The following BRINP1 variants were observed in gnomAD, a reference collection of about 807,000 sequenced individuals.
BRINP1 encodes the protein BMP/retinoic acid inducible neural specific 1.
In BRINP1, 17 loss-of-function variants were observed where a neutral mutation model predicts 72.9. The observed-to-expected ratio is 0.23, with a 90% CI of 0.16 to 0.35. The LOEUF (loss-of-function observed/expected upper bound fraction) is 0.35, where lower values mean the gene tolerates loss of function less well. BRINP1 is among the 10% of genes least tolerant of loss of function. The probability of loss-of-function intolerance (pLI) is 1.00; values close to 1 mark genes in which losing one functional copy is unlikely to be tolerated. For missense variants in BRINP1, 850 were observed against 1,001.6 expected (o/e 0.85, Z 2.04); for synonymous variants, 418 against 378.5 (o/e 1.10, Z -1.21).
intron 2 of BRINP1, among the ~76,000 whole-genome samples, chr9:119,249,805 T>TGGAA (rs1348208106): frequency 0.052 from 1,634 of 31,532 alleles, 210 homozygotes; most frequent in Admixed American, 0.064. Context: ...AATAAACAAA[T>TGGAA]GGAAGGAAGG....
intron 1 of BRINP1, among the ~76,000 whole-genome samples, chr9:119,326,465 G>T (rs564616773): frequency 8.5e-5 from 13 of 152,138 alleles, no homozygotes; most frequent in Non-Finnish European, 1.9e-4. Flanking sequence ...AATTATTTTT[G>T]TAATTTTTTT....
intron 1 of BRINP1, among the ~76,000 whole-genome samples, chr9:119,344,434 G>A (rs945861500): frequency 6.6e-6 from 1 of 152,098 alleles, no homozygotes; most frequent in Non-Finnish European, 1.5e-5. Flanking sequence ...AGGTCATACT[G>A]TCTTGCTCAC....
chr9:119,279,985 T>C (rs528295461), intron 2 of BRINP1, among the ~76,000 whole-genome samples: 2 of 152,026 alleles, frequency 1.3e-5, no homozygotes, highest in South Asian at 2.1e-4. Context: ...AGAAGAAAAA[T>C]GCTATATGTA....
chr9:119,283,188 G>C, intron 2 of BRINP1: 2 of 984,562 alleles, frequency 2.0e-6, no homozygotes, highest in Non-Finnish European at 2.4e-6. Context: ...TGTTTCTTTA[G>C]AATGAAGGGG....
chr9:119,355,578 A>T (rs944811430), intron 1 of BRINP1, among the ~76,000 whole-genome samples: 1 of 151,924 alleles, frequency 6.6e-6, no homozygotes, highest in African/African-American at 2.4e-5. Flanking sequence ...AACACAAAAA[A>T]ATTAGCCGGG....
At chr9:119,176,268 T>C (rs934075363) in intron 7 of BRINP1, among the ~76,000 whole-genome samples, 11 of 152,160 alleles carry the variant, frequency 7.2e-5, no homozygotes, top group African/African-American at 2.2e-4. Context: ...TTCCTAAGGC[T>C]GTCGTGCTGT....
chr9:119,210,479 G>T (rs956406472), intron 6 of BRINP1, among the ~76,000 whole-genome samples: 1 of 152,046 alleles, frequency 6.6e-6, no homozygotes, highest in Non-Finnish European at 1.5e-5. Flanking sequence ...AGGTATTTTA[G>T]AGCCCCCATT....
intron 7 of BRINP1, among the ~76,000 whole-genome samples, chr9:119,195,474 C>T (rs1829728356): frequency 2.0e-5 from 3 of 152,208 alleles, no homozygotes; most frequent in Admixed American, 2.0e-4. Context: ...CTCACTCTAA[C>T]TCATCCACTG....
At chr9:119,212,698 C>T (rs1354930180) in intron 6 of BRINP1, among the ~76,000 whole-genome samples, 1 of 151,998 alleles carries the variant, frequency 6.6e-6, no homozygotes. Context: ...TGCATGAGTC[C>T]ATTTATTTAA....
At chr9:119,325,311 T>C in intron 1 of BRINP1, among the ~76,000 whole-genome samples, 1 of 152,160 alleles carries the variant, frequency 6.6e-6, no homozygotes, top group East Asian at 1.9e-4. Flanking sequence ...CCTCTCAAAC[T>C]TTCCTGTCTC....
Position 119,294,853 on chromosome 9 carries a change from T to TAAAAA in BRINP1, c.218+18280_218+18284dup, listed in dbSNP as rs59715609. Among the ~76,000 whole-genome samples, 15 of 128,024 alleles carry TAAAAA rather than the reference T, an allele frequency of 1.2e-4. 1 individual carries two copies. The highest frequency in any genetic ancestry group is 4.3e-3 in the Middle Eastern group (1 of 230). The allele number at this position is 128,024 out of a possible 152,430, so 84.0% of individuals were successfully genotyped here. A position where few individuals can be genotyped will look rare whatever the true frequency, so the allele number is the denominator to read the frequency against. ...CCTGAGCAACAGAGTGACACTACGT[T>TAAAAA]AAAAAAAAAAAAAAAAAAGACACAC... On this transcript the variant is annotated intron_variant, in intron 2 of 7. Coordinates refer to ENST00000265922, the MANE Select transcript of BRINP1 (RefSeq NM_014618.3).
At chr9:119,318,239 T>C (rs148670661) in intron 1 of BRINP1, among the ~76,000 whole-genome samples, 143 of 152,298 alleles carry the variant, frequency 9.4e-4, no homozygotes, top group African/African-American at 3.3e-3. Flanking sequence ...CACAAACAAT[T>C]TGTCAACTGT....
chr9:119,226,668 G>C (rs1012199269), intron 5 of BRINP1, among the ~76,000 whole-genome samples: 1 of 151,406 alleles, frequency 6.6e-6, no homozygotes, highest in African/African-American at 2.4e-5. Flanking sequence ...CTATTCTAGG[G>C]TTTTTTTTTG....
intron 1 of BRINP1, among the ~76,000 whole-genome samples, chr9:119,325,086 G>A (rs1170061755): frequency 6.6e-6 from 1 of 151,692 alleles, no homozygotes; most frequent in Non-Finnish European, 1.5e-5. Context: ...GGCAACAAGA[G>A]TGAAACTCTG....
intron 2 of BRINP1, among the ~76,000 whole-genome samples, chr9:119,298,754 A>G (rs1190759644): frequency 6.6e-6 from 1 of 152,152 alleles, no homozygotes; most frequent in East Asian, 1.9e-4. Context: ...GTATTAAAAC[A>G]TTCCAGTCTC....
intron 2 of BRINP1, among the ~76,000 whole-genome samples, chr9:119,295,160 AT>A (rs138594039): frequency 0.1 from 15,594 of 151,410 alleles, 956 homozygotes; most frequent in African/African-American, 0.16. Context: ...ATTATTTTTA[AT>A]TTTTTTTTAA....
chr9:119,194,889 A>G (rs117357291), intron 7 of BRINP1, among the ~76,000 whole-genome samples: 24 of 152,316 alleles, frequency 1.6e-4, no homozygotes, highest in Non-Finnish European at 3.2e-4. Context: ...CCTGGAAACT[A>G]TAACATAATA....
chr9:119,262,972 G>T lies in BRINP1; in HGVS notation c.219-13822C>A. Among the ~76,000 whole-genome samples the T allele has an allele frequency of 3.3e-5, 5 of 152,274 alleles. No homozygotes were observed. In the South Asian group the frequency reaches 1.0e-3, roughly 32 times the overall value. On this transcript the variant is annotated intron_variant, in intron 2 of 7. Coordinates refer to ENST00000265922, the MANE Select transcript of BRINP1 (RefSeq NM_014618.3). The stretch of plus-strand genomic sequence containing the variant: ...ATAGACAAAGAATGTACATTTTGCC[G>T]GAGGAAGTACAAATAATAACATTCC...
intron 6 of BRINP1, 114 bp downstream of exon 6, chr9:119,213,805 A>T (rs1232090151): frequency 2.0e-5 from 17 of 861,334 alleles, no homozygotes; most frequent in African/African-American, 3.3e-5. Flanking sequence ...CCAAAGTGAA[A>T]GGGTCAGGGT....
Sources: allele counts gnomAD v4.1 joint callset (sites outside exome capture counted in the v4.1 genomes callset), GRCh38; gene constraint gnomAD v4.1.1; transcripts MANE v1.5; gene names NCBI Gene and HGNC (gene_info 2026-07-23, HGNC 2026-07-21).